ANKHD1: variants seen among roughly 807,000 people sequenced by gnomAD.
ANKHD1 encodes the protein ankyrin repeat and KH domain containing 1, also known as ankyrin repeat and KH domain-containing protein 1.
Under a neutral mutation model 230.5 loss-of-function variants are expected in ANKHD1, and 31 were observed. That is an observed-to-expected ratio of 0.13 (90% CI 0.10 to 0.18). ANKHD1 has a LOEUF of 0.18. Ranked by LOEUF, ANKHD1 falls within the 10% of genes least tolerant of loss-of-function variation. The probability of loss-of-function intolerance (pLI) is 1.00; values close to 1 mark genes in which losing one functional copy is unlikely to be tolerated. For synonymous variants in ANKHD1, 1,074 were observed against 1,117.6 expected (o/e 0.96, Z 0.78); for missense variants, 2,256 against 3,071.3 (o/e 0.73, Z 6.27).
chr5:140,509,295 A>G (rs1172890313), intron 20 of ANKHD1, among the ~76,000 whole-genome samples: 1 of 152,260 alleles, frequency 6.6e-6, no homozygotes, highest in African/African-American at 2.4e-5. Context: ...AAAAATTTAT[A>G]AAGTGATTTT....
chr5:140,428,104 T>C (rs1772688695), intron 1 of ANKHD1, among the ~76,000 whole-genome samples: 1 of 149,396 alleles, frequency 6.7e-6, no homozygotes, highest in Admixed American at 6.6e-5. Context: ...TGCTCCTCAC[T>C]TCCTAGATGG....
intron 29 of ANKHD1, chr5:140,532,823 A>T (rs1352088465): frequency 7.0e-6 from 3 of 428,208 alleles, no homozygotes; most frequent in Non-Finnish European, 1.4e-5. Flanking sequence ...AGCTATCATG[A>T]TTAGCTGGGC....
intron 17 of ANKHD1, 31 bp downstream of exon 17, chr5:140,505,264 G>A (rs571276438): frequency 1.2e-6 from 2 of 1,610,430 alleles, no homozygotes; most frequent in South Asian, 2.2e-5. Flanking sequence ...AAATCCAAGT[G>A]TAGTTACATC....
chr5:140,521,928 A>G (rs1753368808), intron 24 of ANKHD1, among the ~76,000 whole-genome samples: 1 of 152,244 alleles, frequency 6.6e-6, no homozygotes, highest in Non-Finnish European at 1.5e-5. Context: ...GCAGTAAGCC[A>G]ACATCGTGCC....
intron 6 of ANKHD1, 50 bp downstream of exon 6, chr5:140,446,025 ATTAT>A: frequency 6.7e-7 from 1 of 1,485,568 alleles, no homozygotes; most frequent in Non-Finnish European, 9.0e-7. Context: ...AACCACTTTG[ATTAT>A]TTGAGTATTG....
At chr5:140,521,630 T>A (rs566613275) in intron 24 of ANKHD1, among the ~76,000 whole-genome samples, 25 of 152,290 alleles carry the variant, frequency 1.6e-4, no homozygotes, top group African/African-American at 5.5e-4. Flanking sequence ...AATGTTTTTT[T>A]AAAATAGCAT....
intron 7 of ANKHD1, among the ~76,000 whole-genome samples, chr5:140,450,479 T>A (rs1774639551): frequency 6.6e-6 from 1 of 152,028 alleles, no homozygotes; most frequent in African/African-American, 2.4e-5. Flanking sequence ...TATCTTATAC[T>A]ATCTCATATA....
At chr5:140,491,047 T>A (rs1442837858) in intron 14 of ANKHD1, among the ~76,000 whole-genome samples, 2 of 146,386 alleles carry the variant, frequency 1.4e-5, no homozygotes, top group Admixed American at 1.4e-4. Context: ...TATAAATTCT[T>A]ATAAAATATT....
chr5:140,408,050 G>A (rs1238845902), intron 1 of ANKHD1, among the ~76,000 whole-genome samples: 2 of 151,998 alleles, frequency 1.3e-5, no homozygotes, highest in African/African-American at 2.4e-5. Flanking sequence ...GGTGGCAGGC[G>A]CCTGTAATCC....
intron 22 of ANKHD1, 128 bp downstream of exon 22, chr5:140,510,309 CTTTTTTTTTTT>C (rs34693244): frequency 1.6e-4 from 85 of 540,012 alleles, no homozygotes; most frequent in Non-Finnish European, 1.7e-4. Flanking sequence ...TCTTTCCATT[CTTTTTTTTTTT>C]TTTTTTTTTT....
intron 24 of ANKHD1, among the ~76,000 whole-genome samples, chr5:140,519,966 G>T (rs1753243067): frequency 1.3e-5 from 2 of 151,962 alleles, no homozygotes; most frequent in Admixed American, 6.6e-5. Flanking sequence ...CACAGCAAAA[G>T]AAACTACTAT....
At chr5:140,404,760 A>G (rs1210617078) in intron 1 of ANKHD1, among the ~76,000 whole-genome samples, 1 of 146,594 alleles carries the variant, frequency 6.8e-6, no homozygotes, top group African/African-American at 2.5e-5. Flanking sequence ...AGGTTTTGCT[A>G]TGTTGTCCAG....
At chr5:140,441,228 A>G in intron 5 of ANKHD1, 86 bp downstream of exon 5, 4 of 1,383,168 alleles carry the variant, frequency 2.9e-6, no homozygotes, top group Non-Finnish European at 3.8e-6. Context: ...TCTGAGGAAA[A>G]CCAGTATAAA....
chr5:140,527,887 C>G lies in ANKHD1; in HGVS notation c.5102C>G (p.Ser1701Cys). 5.0e-6 allele frequency: 8 copies of G among 1,612,270 alleles called. No individual in the cohort carries two copies. Among genetic ancestry groups the G allele is most frequent in the Non-Finnish European group, 6.8e-6 (8 of 1,179,260 alleles). The change falls in exon 28 of 34, where the codon TCT (serine) becomes TGT (cysteine). Residue 1701 changes from serine to cysteine, a missense_variant. Ser to Cys is a moderately radical substitution (Grantham distance 112). Around this residue, in one of 13 missense-constraint regions of ANKHD1, gnomAD observed 212 missense variants for 257.3 expected, o/e 0.82. Transcript: ENST00000360839. The surrounding 1 kb of genome is among the most constrained non-coding windows in gnomAD (Gnocchi z 4.5). ...TCATTTTATAGGTCAAAGAAATTGT[C>G]TGTTCCAGCCTCAGTGGTGTCGAGG... Reference protein sequence around the residue: ...KEVVRRSKKLSVPASVVSRIM... With the variant: ...KEVVRRSKKLCVPASVVSRIM...
chr5:140,401,889 C>A lies in ANKHD1; in HGVS notation c.-79C>A. 1 of 1,485,938 alleles carries A rather than the reference C, an allele frequency of 6.7e-7. No homozygotes were observed. The highest frequency in any genetic ancestry group is 1.4e-5 in the South Asian group (1 of 71,696). The allele number at this position is 1,485,938 out of a possible 1,614,324, so 92.0% of individuals were successfully genotyped here. A position where few individuals can be genotyped will look rare whatever the true frequency, so the allele number is the denominator to read the frequency against. On this transcript the variant is annotated 5_prime_UTR_variant, in exon 1 of 34. In the 5' UTR this introduces an upstream ATG that the reference lacks. Transcript: ENST00000360839. ...GGAAAGGAGACGCTTCTTCCTCTTG[C>A]TGCTCTTCTCGTTCCCGAGATCAGC...
At chr5:140,437,484 C>T (rs1356975614) in intron 2 of ANKHD1, among the ~76,000 whole-genome samples, 4 of 152,224 alleles carry the variant, frequency 2.6e-5, no homozygotes, top group Admixed American at 2.6e-4. Flanking sequence ...AGGTGGATCA[C>T]TTGAGGTCAG....
At chr5:140,441,285 C>T in intron 5 of ANKHD1, 143 bp downstream of exon 5, 2 of 1,178,288 alleles carry the variant, frequency 1.7e-6, no homozygotes, top group Non-Finnish European at 2.2e-6. Context: ...GAGTAAAATA[C>T]AAATTAATTT....
intron 15 of ANKHD1, among the ~76,000 whole-genome samples, chr5:140,498,458 G>A (rs1752132950): frequency 6.6e-6 from 1 of 152,146 alleles, no homozygotes; most frequent in Non-Finnish European, 1.5e-5. Context: ...CCTCTGATAT[G>A]TAATAGGTAT....
At chr5:140,473,783 A>C (rs1750808359) in intron 10 of ANKHD1, among the ~76,000 whole-genome samples, 1 of 152,210 alleles carries the variant, frequency 6.6e-6, no homozygotes, top group South Asian at 2.1e-4. Flanking sequence ...GTGTTATTTC[A>C]GATCAAAGTA....
Sources: allele counts gnomAD v4.1 joint callset (sites outside exome capture counted in the v4.1 genomes callset), GRCh38; gene constraint gnomAD v4.1.1; regional missense constraint gnomAD v4.1.1; non-coding constraint Gnocchi (gnomAD v3.1); transcripts MANE v1.5; gene names NCBI Gene and HGNC (gene_info 2026-07-23, HGNC 2026-07-21).